PTPRD: variants seen among roughly 807,000 people sequenced by gnomAD.
PTPRD encodes the protein protein tyrosine phosphatase receptor type D.
PTPRD carries 34 observed loss-of-function variants against 214.5 expected under a neutral mutation model. The observed-to-expected ratio is 0.16, with a 90% confidence interval of 0.12 to 0.21. PTPRD has a LOEUF of 0.21. Among genes scored for constraint, PTPRD ranks in the 10% least tolerant of loss-of-function variants. The probability of loss-of-function intolerance (pLI) is 1.00; values close to 1 mark genes in which losing one functional copy is unlikely to be tolerated. For missense variants in PTPRD, 2,545 were observed against 2,398.7 expected (o/e 1.06, Z -1.27); for synonymous variants, 1,128 against 845.7 (o/e 1.33, Z -5.79).
intron 3 of PTPRD, among the ~76,000 whole-genome samples, chr9:10,291,607 C>T (rs1057221573): frequency 6.6e-6 from 1 of 151,344 alleles, no homozygotes; most frequent in African/African-American, 2.4e-5. Flanking sequence ...GAGGAAGAGG[C>T]CCTAAGCCAA....
chr9:10,049,406 A>AG (rs1567315690), intron 3 of PTPRD, among the ~76,000 whole-genome samples: 3 of 109,028 alleles, frequency 2.8e-5, no homozygotes, highest in South Asian at 3.2e-4. Flanking sequence ...GTTAAAAAAA[A>AG]AAAAGAAAGA....
At chr9:9,019,384 G>A (rs2099554002) in intron 10 of PTPRD, among the ~76,000 whole-genome samples, 1 of 151,452 alleles carries the variant, frequency 6.6e-6, no homozygotes, top group Non-Finnish European at 1.5e-5. Context: ...AAATTAGGCT[G>A]AGGGCTTATT....
At chr9:10,135,945 A>C (rs1039849937) in intron 3 of PTPRD, among the ~76,000 whole-genome samples, 1 of 87,050 alleles carries the variant, frequency 1.1e-5, no homozygotes, top group Non-Finnish European at 2.3e-5. Flanking sequence ...AGTTGAATTA[A>C]AAAAAAAAAA....
chr9:10,076,683 C>G (rs960538842), intron 3 of PTPRD, among the ~76,000 whole-genome samples: 18 of 152,106 alleles, frequency 1.2e-4, no homozygotes, highest in Admixed American at 6.6e-4. Context: ...GGTCCCAACC[C>G]TTAAAACTGA....
At chr9:8,979,983 T>G (rs77450160) in intron 11 of PTPRD, among the ~76,000 whole-genome samples, 3 of 151,888 alleles carry the variant, frequency 2.0e-5, no homozygotes, top group Non-Finnish European at 4.4e-5. Context: ...GATGAGCAAA[T>G]GGATACAGAA....
intron 11 of PTPRD, among the ~76,000 whole-genome samples, chr9:8,753,127 T>C (rs1565801682): frequency 6.6e-6 from 1 of 152,192 alleles, no homozygotes; most frequent in Non-Finnish European, 1.5e-5. Flanking sequence ...GTAAGGTACG[T>C]TATTCTGTGA....
chr9:9,833,014 T>C, intron 5 of PTPRD, among the ~76,000 whole-genome samples: 1 of 151,976 alleles, frequency 6.6e-6, no homozygotes, highest in South Asian at 2.1e-4. Flanking sequence ...AGAAAGATGC[T>C]TTACTGGAGC....
chr9:9,920,545 A>G (rs2082268746), intron 5 of PTPRD, among the ~76,000 whole-genome samples: 1 of 152,158 alleles, frequency 6.6e-6, no homozygotes, highest in Admixed American at 6.6e-5. Context: ...CTGCAGATCC[A>G]CATTAATCTG....
In PTPRD at chr9:9,471,682, C is replaced by T. The variant is rs187283369; in HGVS notation, c.-236-74200G>A. ...ATTTCATTATAGGAGATGTATTGCT[C>T]TCATGTACTTATTTTGAACAATTCA... is the stretch of plus-strand genomic sequence containing the variant. On this transcript the variant is annotated intron_variant, in intron 8 of 45. Transcript: ENST00000381196. Among the ~76,000 whole-genome samples, 566 of 152,140 alleles carry T rather than the reference C, an allele frequency of 3.7e-3. 6 individuals carry two copies. Among genetic ancestry groups the T allele is most frequent in the African/African-American group, 0.012 (514 of 41,514 alleles).
At chr9:8,666,125 G>A (rs2097165903) in intron 12 of PTPRD, among the ~76,000 whole-genome samples, 1 of 146,714 alleles carries the variant, frequency 6.8e-6, no homozygotes, top group African/African-American at 2.5e-5. Context: ...ATGCTATTTT[G>A]TCCATATTTT....
At chr9:9,048,090 C>T (rs181985645) in intron 10 of PTPRD, among the ~76,000 whole-genome samples, 2 of 152,214 alleles carry the variant, frequency 1.3e-5, no homozygotes, top group Admixed American at 1.3e-4. Context: ...CAAATTAAAA[C>T]TACAATGTGA....
intron 14 of PTPRD, among the ~76,000 whole-genome samples, chr9:8,561,995 A>C (rs2086579358): frequency 6.6e-6 from 1 of 152,146 alleles, no homozygotes; most frequent in South Asian, 2.1e-4. Context: ...ATGTTTCCTA[A>C]AGACCTACCA....
rs35840345 is a variant in PTPRD at position 8,771,180 on chromosome 9, C to CAAAAAAAAAAAA, written c.-103-37246_-103-37235dup. Reference sequence around the variant, plus strand: ...TGGGCGACAGAGCAAGATTCCGTCTCAAAAAAAAAAAAGATAGTAGTCTTT... The same window carrying CAAAAAAAAAAAA: ...TGGGCGACAGAGCAAGATTCCGTCTCAAAAAAAAAAAAAAAAAAAAAAAAGATAGTAGTCTTT... On this transcript the variant is annotated intron_variant, in intron 11 of 45. Coordinates refer to ENST00000381196, the MANE Select transcript of PTPRD (RefSeq NM_002839.4). Among the ~76,000 whole-genome samples the CAAAAAAAAAAAA allele has an allele frequency of 1.3e-4, 18 of 141,088 alleles. 1 individual carries two copies. Among genetic ancestry groups the CAAAAAAAAAAAA allele is most frequent in the African/African-American group, 4.7e-4 (17 of 36,446 alleles). The allele number at this position is 141,088 out of a possible 152,430, so 92.6% of individuals were successfully genotyped here.
chr9:9,538,241 A>T lies in PTPRD; in HGVS notation c.-237+36491T>A, dbSNP rs2076902600. Among the ~76,000 whole-genome samples the T allele has an allele frequency of 4.6e-5, 7 of 151,966 alleles. No homozygotes were observed. In the South Asian group the frequency reaches 1.2e-3, roughly 27 times the overall value. On this transcript the variant is annotated intron_variant, in intron 8 of 45. Coordinates refer to ENST00000381196, the MANE Select transcript of PTPRD (RefSeq NM_002839.4). ...GACTTTCTTACTTCAGGGGATAAAAACCCTCACTACTGTTGATAAAAAATA... is the reference window on the plus strand; with the variant it reads ...GACTTTCTTACTTCAGGGGATAAAATCCCTCACTACTGTTGATAAAAAATA...
rs562915259 is a variant in PTPRD, at chr9:10,354,785, G to A, written c.-599-13768C>T. On this transcript the variant is annotated intron_variant, in intron 2 of 45. Coordinates refer to ENST00000381196, the MANE Select transcript of PTPRD (RefSeq NM_002839.4). ...TTCATGTCATTTTTTACTGTGGCAT[G>A]GGAAATGCATCTGACAGTTCTAATG... Among the ~76,000 whole-genome samples, 15 of 152,178 alleles carry A rather than the reference G, an allele frequency of 9.9e-5. 1 individual carries two copies. In the South Asian group the frequency reaches 1.2e-3, roughly 13 times the overall value.
chr9:8,397,074 G>C (rs762562208), intron 36 of PTPRD, among the ~76,000 whole-genome samples: 10 of 152,160 alleles, frequency 6.6e-5, no homozygotes, highest in Non-Finnish European at 1.3e-4. Flanking sequence ...TCTGAAGAGT[G>C]TGAGAAAAAT....
intron 9 of PTPRD, among the ~76,000 whole-genome samples, chr9:9,307,891 G>T (rs1207908066): frequency 6.6e-6 from 1 of 152,132 alleles, no homozygotes; most frequent in African/African-American, 2.4e-5. Flanking sequence ...AGCACATTCT[G>T]TTTGCCTCCA....
intron 8 of PTPRD, among the ~76,000 whole-genome samples, chr9:9,501,905 G>C (rs1471086315): frequency 2.0e-5 from 3 of 151,786 alleles, no homozygotes; most frequent in Admixed American, 2.0e-4. Context: ...AGAAAACTTG[G>C]TGGGATGCCT....
At chr9:10,174,169 G>A (rs569879167) in intron 3 of PTPRD, among the ~76,000 whole-genome samples, 1 of 152,248 alleles carries the variant, frequency 6.6e-6, no homozygotes, top group Non-Finnish European at 1.5e-5. Context: ...TGGTTTGAAT[G>A]TTTGTCCTGC....
Sources: allele counts gnomAD v4.1 joint callset (sites outside exome capture counted in the v4.1 genomes callset), GRCh38; gene constraint gnomAD v4.1.1; transcripts MANE v1.5; gene names NCBI Gene and HGNC (gene_info 2026-07-23, HGNC 2026-07-21).